SIM2: variants seen among roughly 807,000 people sequenced by gnomAD.
SIM2 encodes the protein SIM bHLH transcription factor 2, also known as single-minded homolog 2.
SIM2 carries 28 observed loss-of-function variants against 64.8 expected under a neutral mutation model. That is an observed-to-expected ratio of 0.43 (90% CI 0.32 to 0.59). SIM2 has a LOEUF of 0.59. Ranked by LOEUF, SIM2 falls within the 20% of genes least tolerant of loss-of-function variation. The pLI is 0.07. For synonymous variants in SIM2, 408 were observed against 391.1 expected (o/e 1.04, Z -0.51); for missense variants, 847 against 871.4 (o/e 0.97, Z 0.35).
At chr21:36,717,516 C>G (rs1346943261) in intron 3 of SIM2, among the ~76,000 whole-genome samples, 1 of 144,354 alleles carries the variant, frequency 6.9e-6, no homozygotes, top group African/African-American at 2.6e-5. Context: ...GGTGCGATGT[C>G]GGCTTACTGC....
Position 36,747,134 on chromosome 21 carries a change from C to T in SIM2, c.1577-531C>T, listed in dbSNP as rs1291085690. On this transcript the variant is annotated intron_variant, in intron 10 of 10. Coordinates refer to ENST00000290399, the MANE Select transcript of SIM2 (RefSeq NM_005069.6). This position sits in a 1 kb window ranked among gnomAD's most constrained non-coding sequence, Gnocchi z 4.5. ...GTGGTTATTTTTCATTATGACACGG[C>T]GAAACCGATCGGGGTGGTTACCACC... Among the ~76,000 whole-genome samples, 1 of 152,056 alleles carries T rather than the reference C, an allele frequency of 6.6e-6. No homozygotes were observed.
chr21:36,736,305 C>G (rs960757452), intron 7 of SIM2, among the ~76,000 whole-genome samples: 1 of 152,054 alleles, frequency 6.6e-6, no homozygotes, highest in Non-Finnish European at 1.5e-5. Context: ...TCTGGGGCCT[C>G]GCTTTCCCCA....
At chr21:36,702,344 C>T (rs1433008462) in intron 1 of SIM2, among the ~76,000 whole-genome samples, 1 of 152,184 alleles carries the variant, frequency 6.6e-6, no homozygotes, top group African/African-American at 2.4e-5. Flanking sequence ...TTGGAAAGGG[C>T]CCTGAACCTG....
chr21:36,739,521 T>TG (rs1409734951), intron 7 of SIM2, among the ~76,000 whole-genome samples: 1 of 152,214 alleles, frequency 6.6e-6, no homozygotes, highest in African/African-American at 2.4e-5. Context: ...TCCCTACCGT[T>TG]GAAGAGTTAA....
chr21:36,706,465 G>C (rs1203516397), intron 1 of SIM2, among the ~76,000 whole-genome samples: 1 of 152,206 alleles, frequency 6.6e-6, no homozygotes, highest in Non-Finnish European at 1.5e-5. Flanking sequence ...AGTGCTGGGA[G>C]CCGCTAACCC....
chr21:36,702,114 G>T (rs1191859271), intron 1 of SIM2, among the ~76,000 whole-genome samples: 4 of 152,180 alleles, frequency 2.6e-5, no homozygotes, highest in Non-Finnish European at 4.4e-5. Flanking sequence ...CTTTAAACCG[G>T]CTCTGTGCGT....
chr21:36,704,702 G>C (rs1000619557), intron 1 of SIM2, among the ~76,000 whole-genome samples: 2 of 152,228 alleles, frequency 1.3e-5, no homozygotes, highest in Non-Finnish European at 1.5e-5. Flanking sequence ...GTCTGCGCAC[G>C]GCAATGGGGG....
At position 36,712,526 on chromosome 21, in the gene SIM2, T is replaced by C. The variant is rs376134949; in HGVS notation, c.259-7T>C. 3.4e-5 allele frequency: 54 copies of C among 1,593,776 alleles called. No individual in the cohort carries two copies. The highest frequency in any genetic ancestry group is 3.4e-5 in the Non-Finnish European group (39 of 1,161,842). On this transcript the variant is annotated splice_region_variant and splice_polypyrimidine_tract_variant and intron_variant, in intron 2 of 10. Transcript: ENST00000290399. The stretch of plus-strand genomic sequence containing the variant: ...CATCTCTTATTCTGACACTTTATCT[T>C]TTACAGACTTTGGATGGATTTGTTT...
chr21:36,748,031 CGCCCGGCGCGCCCCT>C lies in SIM2; in HGVS notation c.1947_1961del (p.Gly650_Pro654del). On this transcript the variant is annotated inframe_deletion, in exon 11 of 11. Transcript: ENST00000290399. ...CACCCGAGCCCCGCCGCCACCTCCC[CGCCCGGCGCGCCCCT>C]GCCGCACTACCTGGGCGCCTCGGTC... is the stretch of plus-strand genomic sequence containing the variant. 2 of 1,187,086 alleles carry C rather than the reference CGCCCGGCGCGCCCCT, an allele frequency of 1.7e-6. No individual in the cohort carries two copies. Among genetic ancestry groups the C allele is most frequent in the Non-Finnish European group, 2.1e-6 (2 of 960,028 alleles). The allele number at this position is 1,187,086 out of a possible 1,614,324, so 73.5% of individuals were successfully genotyped here. A position where few individuals can be genotyped will look rare whatever the true frequency, so the allele number is the denominator to read the frequency against.
At chr21:36,746,620 A>G (rs2089229802) in intron 10 of SIM2, among the ~76,000 whole-genome samples, 1 of 152,218 alleles carries the variant, frequency 6.6e-6, no homozygotes, top group Non-Finnish European at 1.5e-5. Context: ...AAAAGACCAC[A>G]TTGGTGACCA....
Position 36,748,231 on chromosome 21 carries a change from T to G in SIM2, c.*139T>G. 2.3e-6 allele frequency: 1 copy of G among 436,018 alleles called. No homozygotes were observed. Among genetic ancestry groups the G allele is most frequent in the Non-Finnish European group, 3.2e-6 (1 of 309,834 alleles). 27.0% of individuals were successfully genotyped at this position (436,018 alleles called of 1,614,324 possible). A position where few individuals can be genotyped will look rare whatever the true frequency, so the allele number is the denominator to read the frequency against. ...TTGGACCCCGCCGCCGACTTGCGGATTTCCACCGCGGAGGCCCCGCGCGCC... is the reference window on the plus strand; with the variant it reads ...TTGGACCCCGCCGCCGACTTGCGGAGTTCCACCGCGGAGGCCCCGCGCGCC... On this transcript the variant is annotated 3_prime_UTR_variant, in exon 11 of 11. Transcript: ENST00000290399.
intron 7 of SIM2, among the ~76,000 whole-genome samples, chr21:36,735,224 GC>G (rs1387208452): frequency 6.6e-6 from 1 of 152,164 alleles, no homozygotes; most frequent in Non-Finnish European, 1.5e-5. Flanking sequence ...GTCAGGGTGG[GC>G]CCTGCCAAAG....
At position 36,719,919 on chromosome 21, in the gene SIM2, C is replaced by T. The variant is rs1224846815; in HGVS notation, c.447C>T (p.His149=). 6.2e-7 allele frequency: 1 copy of T among 1,604,018 alleles called. No individual in the cohort carries two copies. Among genetic ancestry groups the T allele is most frequent in the Admixed American group, 1.7e-5 (1 of 59,942 alleles). ...VLTAHQPLHH[H]LLQEYEIERS... ...CGGCCCACCAGCCGCTGCACCACCA[C>T]CTGCTCCAAGGTATTCCATCCAGAG... Residue 149 remains histidine, a synonymous_variant, in exon 4 of 11, where the codon CAC becomes CAT. Transcript: ENST00000290399.
At chr21:36,744,635 G>T in intron 9 of SIM2, 93 bp from the exon 10 acceptor site, 1 of 1,451,346 alleles carries the variant, frequency 6.9e-7, no homozygotes. Flanking sequence ...CCTTGGATGG[G>T]GTTGGGCCCC....
At chr21:36,718,928 C>T (rs118097811) in intron 3 of SIM2, among the ~76,000 whole-genome samples, 3,244 of 152,290 alleles carry the variant, frequency 0.021, 126 homozygotes, top group Admixed American at 0.11. Context: ...TTCTCAAGTT[C>T]GGGAATTTGG....
intron 7 of SIM2, among the ~76,000 whole-genome samples, chr21:36,737,037 C>T (rs992858315): frequency 2.0e-5 from 3 of 152,254 alleles, no homozygotes; most frequent in South Asian, 2.1e-4. Context: ...AGTGATCCTC[C>T]TGCCTCAGCC....
At position 36,745,304 on chromosome 21, in the gene SIM2, G is replaced by A; in HGVS notation, c.1576+168G>A. 1 of 1,450,694 alleles carries A rather than the reference G, an allele frequency of 6.9e-7. No individual in the cohort carries two copies. The highest frequency in any genetic ancestry group is 9.1e-7 in the Non-Finnish European group (1 of 1,098,304). 89.9% of individuals were successfully genotyped at this position (1,450,694 alleles called of 1,614,324 possible). On this transcript the variant is annotated intron_variant, in intron 10 of 10. Transcript: ENST00000290399. The surrounding 1 kb of genome is among the most constrained non-coding windows in gnomAD (Gnocchi z 4.8). ...GCTGTGCTTTCTTGCTCTCAATGCA[G>A]GTGCTCCTCGAGAGTGAGAAATGGC...
chr21:36,728,143 T>G (rs1405435980), intron 6 of SIM2, among the ~76,000 whole-genome samples: 4 of 152,164 alleles, frequency 2.6e-5, no homozygotes, highest in Admixed American at 6.5e-5. Context: ...ACCCCTCTGC[T>G]CCCTCTTTTC....
intron 6 of SIM2, among the ~76,000 whole-genome samples, chr21:36,728,951 G>A (rs756419556): frequency 6.6e-6 from 1 of 152,228 alleles, no homozygotes; most frequent in Non-Finnish European, 1.5e-5. Context: ...ATTTCTCTTT[G>A]AAACTGGAGC....
Sources: allele counts gnomAD v4.1 joint callset (sites outside exome capture counted in the v4.1 genomes callset), GRCh38; gene constraint gnomAD v4.1.1; non-coding constraint Gnocchi (gnomAD v3.1); transcripts MANE v1.5; gene names NCBI Gene and HGNC (gene_info 2026-07-23, HGNC 2026-07-21).